The following MRTFB variants were observed in gnomAD, a reference collection of about 807,000 sequenced individuals.
MRTFB encodes the protein myocardin-related transcription factor B.
MRTFB carries 29 observed loss-of-function variants against 104.2 expected under a neutral mutation model. The observed-to-expected ratio is 0.28, with a 90% CI of 0.21 to 0.38. The LOEUF is 0.38. Among genes scored for constraint, MRTFB ranks in the 10% least tolerant of loss-of-function variants. The pLI, the probability that MRTFB is intolerant of heterozygous loss-of-function variation, is 1.00. For missense variants in MRTFB, 1,270 were observed against 1,341.6 expected (o/e 0.95, Z 0.83); for synonymous variants, 535 against 519.5 (o/e 1.03, Z -0.41).
chr16:14,019,944 A>G, the MRTFB span, among the ~76,000 whole-genome samples: 47,304 of 152,148 alleles, frequency 0.31, 8,434 homozygotes, highest in Middle Eastern at 0.4. Flanking sequence ...CGGTTGAACT[A>G]TCCTATTCTT....
intron 8 of MRTFB, among the ~76,000 whole-genome samples, chr16:14,227,924 G>A (rs2042082359): frequency 6.7e-6 from 1 of 149,802 alleles, no homozygotes; most frequent in Admixed American, 6.6e-5. Context: ...GCAAAGGTTT[G>A]AATGTGGTTT....
the MRTFB span, among the ~76,000 whole-genome samples, chr16:14,039,911 T>C: frequency 6.6e-6 from 1 of 151,828 alleles, no homozygotes; most frequent in Non-Finnish European, 1.5e-5. Flanking sequence ...ACCACGCCTG[T>C]CTAATTTTGT....
intron 2 of MRTFB, among the ~76,000 whole-genome samples, chr16:14,137,781 G>A (rs1462778906): frequency 6.6e-6 from 1 of 151,774 alleles, no homozygotes; most frequent in African/African-American, 2.4e-5. Context: ...CACCCTATTT[G>A]TGTCTTCATA....
chr16:14,027,052 A>T, the MRTFB span, among the ~76,000 whole-genome samples: 2 of 152,244 alleles, frequency 1.3e-5, no homozygotes, highest in Non-Finnish European at 2.9e-5. Flanking sequence ...GTACTCCTGC[A>T]TATTTATACC....
intron 2 of MRTFB, among the ~76,000 whole-genome samples, chr16:14,138,107 T>A (rs377666470): frequency 1.3e-5 from 2 of 152,160 alleles, no homozygotes; most frequent in South Asian, 4.1e-4. Context: ...TGTTTTCTTA[T>A]GATGTATGGG....
At chr16:14,162,167 A>T (rs1431298349) in intron 3 of MRTFB, among the ~76,000 whole-genome samples, 7 of 151,422 alleles carry the variant, frequency 4.6e-5, no homozygotes, top group African/African-American at 1.5e-4. Flanking sequence ...AAAAAAAAAA[A>T]AAAAAAATTA....
chr16:14,217,989 C>G (rs1253508186), intron 7 of MRTFB, among the ~76,000 whole-genome samples: 1 of 152,160 alleles, frequency 6.6e-6, no homozygotes, highest in East Asian at 1.9e-4. Flanking sequence ...CTGGGTTGCT[C>G]CCTAAAGTGG....
the MRTFB span, among the ~76,000 whole-genome samples, chr16:14,000,156 CAG>C: frequency 3.3e-5 from 5 of 152,164 alleles, no homozygotes; most frequent in African/African-American, 1.2e-4. Context: ...ATAGAGATAA[CAG>C]GGTAAAAATA....
the MRTFB span, among the ~76,000 whole-genome samples, chr16:14,010,180 C>A: frequency 5.8e-4 from 88 of 152,160 alleles, no homozygotes; most frequent in Non-Finnish European, 9.4e-4. Flanking sequence ...TGAGCAAAGA[C>A]ATCTCAGGTT....
the MRTFB span, among the ~76,000 whole-genome samples, chr16:14,014,140 A>C: frequency 4.8e-3 from 724 of 152,316 alleles, 5 homozygotes; most frequent in African/African-American, 0.017. Context: ...CAACTGAATA[A>C]ATATTTGTTA....
chr16:14,065,448 A>C, the MRTFB span, among the ~76,000 whole-genome samples: 14 of 152,032 alleles, frequency 9.2e-5, no homozygotes, highest in Non-Finnish European at 1.9e-4. Flanking sequence ...GGATGCTTTT[A>C]ATTTCTTTCT....
intron 3 of MRTFB, among the ~76,000 whole-genome samples, chr16:14,158,787 A>ATTCCCTTTCATTTAAGT (rs2038922432): frequency 6.6e-6 from 1 of 152,128 alleles, no homozygotes; most frequent in African/African-American, 2.4e-5. Flanking sequence ...ACTTGCCTAG[A>ATTCCCTTTCATTTAAGT]TTCCCTTTCA....
chr16:14,110,233 G>C (rs1356700348), intron 2 of MRTFB, among the ~76,000 whole-genome samples: 1 of 152,240 alleles, frequency 6.6e-6, no homozygotes, highest in East Asian at 1.9e-4. Context: ...CCTGGTGGCT[G>C]AGAGCTAATC....
chr16:14,240,765 A>G (rs893526034), intron 10 of MRTFB: 11 of 767,218 alleles, frequency 1.4e-5, no homozygotes, highest in Non-Finnish European at 2.1e-5. Flanking sequence ...TAGAACACCA[A>G]AATAGTACTA....
intron 3 of MRTFB, among the ~76,000 whole-genome samples, chr16:14,154,330 C>G (rs1210557477): frequency 2.0e-5 from 3 of 152,034 alleles, no homozygotes; most frequent in African/African-American, 7.3e-5. Flanking sequence ...CGAGACTCAT[C>G]TCCGTTTTTG....
chr16:14,037,583 C>G, the MRTFB span, among the ~76,000 whole-genome samples: 1 of 152,166 alleles, frequency 6.6e-6, no homozygotes, highest in East Asian at 1.9e-4. Flanking sequence ...TGATCACTGC[C>G]TCCGTATTGG....
At chr16:14,061,836 A>G in the MRTFB span, among the ~76,000 whole-genome samples, 1 of 152,160 alleles carries the variant, frequency 6.6e-6, no homozygotes, top group Non-Finnish European at 1.5e-5. Context: ...GGGAGGGAAT[A>G]GATTTTAAAA....
rs145915793 is a variant in MRTFB, at chr16:14,227,455, A to G, written c.694-6691A>G. Among the ~76,000 whole-genome samples, 768 of 152,212 alleles carry G rather than the reference A, an allele frequency of 5.0e-3. 6 individuals carry two copies. Among genetic ancestry groups the G allele is most frequent in the African/African-American group, 0.017 (720 of 41,530 alleles). The stretch of plus-strand genomic sequence containing the variant: ...ATGCTGGTGCCACGCATCCTGTACA[A>G]TCTGCAGAATCGTGAGCCAAATAAA... On this transcript the variant is annotated intron_variant, in intron 8 of 16. Coordinates refer to ENST00000571589, the MANE Select transcript of MRTFB (RefSeq NM_001308142.2).
At chr16:14,144,424 C>G (rs551903752) in intron 3 of MRTFB, 1 of 152,170 alleles carries the variant, frequency 6.6e-6, no homozygotes, top group South Asian at 2.1e-4. Flanking sequence ...TGGGGAAATG[C>G]TGCTCAAAGG....
Sources: gnomAD v4.1 joint callset for allele counts (sites outside exome capture counted in the v4.1 genomes callset) on GRCh38, gnomAD v4.1.1 for gene constraint, MANE v1.5 for transcripts, NCBI Gene and HGNC (gene_info 2026-07-23, HGNC 2026-07-21) for gene names.